Variants in ATP8A2 observed in about 807,000 individuals in gnomAD.
The protein encoded by ATP8A2 is ATPase phospholipid transporting 8A2.
Under a neutral mutation model 165.6 loss-of-function variants are expected in ATP8A2, and 100 were observed. That is an observed-to-expected ratio of 0.60 (90% confidence interval 0.51 to 0.71). ATP8A2 has a LOEUF of 0.71. Among genes scored for constraint, ATP8A2 ranks in the 30% least tolerant of loss-of-function variants. The pLI is 0.00. For synonymous variants in ATP8A2, 543 were observed against 548.8 expected (o/e 0.99, Z 0.15); for missense variants, 1,227 against 1,479.5 (o/e 0.83, Z 2.80).
chr13:25,779,906 T>TTGAA (rs2044833821), intron 27 of ATP8A2, among the ~76,000 whole-genome samples: 1 of 152,204 alleles, frequency 6.6e-6, no homozygotes, highest in Admixed American at 6.5e-5. Flanking sequence ...AGGAGAGGGA[T>TTGAA]TGAATAAGTT....
At chr13:25,521,194 T>A (rs1185101155) in intron 2 of ATP8A2, among the ~76,000 whole-genome samples, 1 of 152,244 alleles carries the variant, frequency 6.6e-6, no homozygotes, top group African/African-American at 2.4e-5. Context: ...TATGCATTTT[T>A]AAAACATATT....
intron 24 of ATP8A2, among the ~76,000 whole-genome samples, chr13:25,591,723 C>T (rs1329020568): frequency 6.6e-6 from 1 of 151,926 alleles, no homozygotes; most frequent in East Asian, 1.9e-4. Flanking sequence ...GCTGGGATTA[C>T]AGGCATGCGC....
Position 25,737,920 on chromosome 13 carries a change from G to A in ATP8A2, c.2385-31126G>A, listed in dbSNP as rs1209630385. Among the ~76,000 whole-genome samples, 9 of 152,238 alleles carry A rather than the reference G, an allele frequency of 5.9e-5. No individual in the cohort carries two copies. The East Asian group carries it at 9.7e-4, about 16-fold the overall frequency. On this transcript the variant is annotated intron_variant, in intron 25 of 36. Transcript: ENST00000381655. ...AGGATGGTCTCGATCTCCTGACCTC[G>A]TGATCCGCCCCTCTCGGCCTCCCAA...
At chr13:25,537,316 A>G (rs956677261) in intron 6 of ATP8A2, among the ~76,000 whole-genome samples, 1 of 152,160 alleles carries the variant, frequency 6.6e-6, no homozygotes, top group African/African-American at 2.4e-5. Flanking sequence ...TTTTAATCAG[A>G]GCATTGGCCT....
rs572323300 is a variant in ATP8A2, at chr13:25,428,617, G to A, written c.77-40360G>A. ...CTGAGAGAAGGGCATGTCTGACCTAGGTGTGTTTTAAGTGTGAGGAGGTGG... is the reference window on the plus strand; with the variant it reads ...CTGAGAGAAGGGCATGTCTGACCTAAGTGTGTTTTAAGTGTGAGGAGGTGG... On this transcript the variant is annotated intron_variant, in intron 1 of 36. Transcript: ENST00000381655. Among the ~76,000 whole-genome samples the A allele has an allele frequency of 8.3e-4, 126 of 152,300 alleles. 1 individual carries two copies. The highest frequency in any genetic ancestry group is 3.4e-3 in the Middle Eastern group (1 of 294).
intron 34 of ATP8A2, 133 bp downstream of exon 34, chr13:25,961,796 A>G: frequency 1.5e-6 from 1 of 661,448 alleles, no homozygotes. Context: ...CACCTGCCAG[A>G]AATGAAAAAA....
chr13:25,663,930 C>G (rs1434468698), intron 24 of ATP8A2, among the ~76,000 whole-genome samples: 1 of 152,110 alleles, frequency 6.6e-6, no homozygotes, highest in African/African-American at 2.4e-5. Context: ...ATTAGACGGC[C>G]AGGCATGGTG....
intron 33 of ATP8A2, among the ~76,000 whole-genome samples, chr13:25,876,545 AG>A (rs1338164106): frequency 1.3e-5 from 2 of 152,186 alleles, no homozygotes; most frequent in African/African-American, 2.4e-5. Context: ...AGGAAATTAC[AG>A]GCCTGTTGAG....
intron 25 of ATP8A2, among the ~76,000 whole-genome samples, chr13:25,752,327 G>A (rs1289868380): frequency 6.6e-6 from 1 of 152,014 alleles, no homozygotes; most frequent in African/African-American, 2.4e-5. Context: ...CAGGAGTGGT[G>A]GCATACCCCT....
chr13:25,835,036 G>A (rs929399394), intron 28 of ATP8A2, among the ~76,000 whole-genome samples: 5 of 151,916 alleles, frequency 3.3e-5, no homozygotes, highest in African/African-American at 1.2e-4. Flanking sequence ...AAATATGTAG[G>A]CATGCTGGGC....
rs142147580 is a variant in ATP8A2, at chr13:25,913,253, T to C, written c.3184-48322T>C. Reference sequence around the variant, plus strand: ...GCCTACACTGTTTCAGGATGCTGCGTTGGCAGTTCATTCCTAAAATTTAAG... The same window carrying C: ...GCCTACACTGTTTCAGGATGCTGCGCTGGCAGTTCATTCCTAAAATTTAAG... On this transcript the variant is annotated intron_variant, in intron 33 of 36. Coordinates refer to ENST00000381655, the MANE Select transcript of ATP8A2 (RefSeq NM_016529.6). 2.4e-3 allele frequency among the ~76,000 whole-genome samples: 361 copies of C among 152,296 alleles called. 2 individuals are homozygous for C. Among genetic ancestry groups the C allele is most frequent in the African/African-American group, 8.3e-3 (345 of 41,550 alleles).
intron 25 of ATP8A2, among the ~76,000 whole-genome samples, chr13:25,759,321 T>A (rs2044330935): frequency 6.6e-6 from 1 of 152,182 alleles, no homozygotes; most frequent in Non-Finnish European, 1.5e-5. Flanking sequence ...ATATTAAGCA[T>A]CTCCGTTGTC....
intron 1 of ATP8A2, among the ~76,000 whole-genome samples, chr13:25,434,079 A>G (rs570169821): frequency 3.9e-5 from 6 of 152,298 alleles, no homozygotes; most frequent in Admixed American, 1.3e-4. Context: ...CAATATACCC[A>G]TGTAACAGAC....
chr13:25,542,850 G>T (rs1210409267), intron 9 of ATP8A2, among the ~76,000 whole-genome samples: 1 of 152,000 alleles, frequency 6.6e-6, no homozygotes, highest in Non-Finnish European at 1.5e-5. Context: ...TAAAAAAATT[G>T]ATATGATAGG....
intron 1 of ATP8A2, among the ~76,000 whole-genome samples, chr13:25,407,147 A>G (rs758664226): frequency 5.9e-5 from 9 of 152,232 alleles, no homozygotes; most frequent in Non-Finnish European, 8.8e-5. Context: ...GTTTCATGAA[A>G]GAAAAGATTC....
At chr13:25,766,380 A>C (rs2044490530) in intron 25 of ATP8A2, among the ~76,000 whole-genome samples, 1 of 152,238 alleles carries the variant, frequency 6.6e-6, no homozygotes, top group Admixed American at 6.5e-5. Context: ...ATGTCATTGA[A>C]AGACATACAT....
intron 1 of ATP8A2, among the ~76,000 whole-genome samples, chr13:25,414,602 C>T (rs538824231): frequency 2.6e-4 from 39 of 152,330 alleles, no homozygotes; most frequent in Non-Finnish European, 4.3e-4. Flanking sequence ...TAGTCTGGAA[C>T]GTCATACTAA....
intron 28 of ATP8A2, among the ~76,000 whole-genome samples, chr13:25,832,545 C>T (rs1463455510): frequency 6.6e-6 from 1 of 152,098 alleles, no homozygotes; most frequent in Admixed American, 6.5e-5. Flanking sequence ...ATACAGGAGT[C>T]TTGAAATTAA....
chr13:25,746,618 G>A (rs188655338), intron 25 of ATP8A2, among the ~76,000 whole-genome samples: 1 of 152,264 alleles, frequency 6.6e-6, no homozygotes, highest in Non-Finnish European at 1.5e-5. Flanking sequence ...GCTCATTTGT[G>A]GGAAAGCTGG....
Sources: allele counts gnomAD v4.1 joint callset (sites outside exome capture counted in the v4.1 genomes callset), GRCh38; gene constraint gnomAD v4.1.1; transcripts MANE v1.5; gene names NCBI Gene and HGNC (gene_info 2026-07-23, HGNC 2026-07-21).